Variants in CPE observed in about 807,000 individuals in gnomAD.
CPE encodes the protein carboxypeptidase E.
CPE carries 17 observed loss-of-function variants against 53.5 expected under a neutral mutation model. The ratio of observed to expected loss-of-function variants is 0.32; its 90% confidence interval spans 0.22 to 0.48. The LOEUF (loss-of-function observed/expected upper bound fraction) is 0.48, where lower values mean the gene tolerates loss of function less well. Ranked by LOEUF, CPE falls within the 20% of genes least tolerant of loss-of-function variation. The pLI, the probability that CPE is intolerant of heterozygous loss-of-function variation, is 0.99. For synonymous variants in CPE, 226 were observed against 228.8 expected (o/e 0.99, Z 0.11); for missense variants, 524 against 614.7 (o/e 0.85, Z 1.56).
chr4:165,380,024 A>G (rs997197267), intron 1 of CPE, among the ~76,000 whole-genome samples: 24 of 151,054 alleles, frequency 1.6e-4, no homozygotes, highest in African/African-American at 5.2e-4. Context: ...AGGGAGAAAG[A>G]GTCATTTATC....
At position 165,467,673 on chromosome 4, in the gene CPE, CTT is replaced by C. The variant is rs754217127; in HGVS notation, c.505-4_505-3del. ...AGCAACTAATGATTTTTCTCTTTGA[CTT>C]TTTTTTTTTTAGCCTGGTGAACTCA... On this transcript the variant is annotated splice_polypyrimidine_tract_variant and intron_variant, in intron 2 of 8. Transcript: ENST00000402744. 1,245 of 1,277,438 alleles carry C rather than the reference CTT, an allele frequency of 9.7e-4. 1 individual carries two copies. Among genetic ancestry groups the C allele is most frequent in the South Asian group, 3.0e-3 (209 of 68,566 alleles). The allele number at this position is 1,277,438 out of a possible 1,614,324, so 79.1% of individuals were successfully genotyped here.
chr4:165,486,210 G>T (rs1342232197), intron 5 of CPE, among the ~76,000 whole-genome samples: 2 of 123,090 alleles, frequency 1.6e-5, no homozygotes, highest in African/African-American at 7.5e-5. Context: ...AAAAGGGGTG[G>T]GGGGGTAGCT....
At chr4:165,479,659 A>G (rs1732367058) in intron 3 of CPE, among the ~76,000 whole-genome samples, 1 of 152,212 alleles carries the variant, frequency 6.6e-6, no homozygotes. Context: ...CACTTAGAAA[A>G]TATTTATAGT....
intron 1 of CPE, among the ~76,000 whole-genome samples, chr4:165,391,786 A>G (rs529107768): frequency 1.4e-4 from 22 of 152,190 alleles, no homozygotes; most frequent in African/African-American, 4.8e-4. Context: ...AAACAACAGT[A>G]TTTTACCAAG....
chr4:165,492,379 A>C (rs576977639), intron 6 of CPE, among the ~76,000 whole-genome samples: 1 of 152,332 alleles, frequency 6.6e-6, no homozygotes, highest in Admixed American at 6.5e-5. Flanking sequence ...ATGAATACAC[A>C]GGTGACCAAA....
intron 1 of CPE, among the ~76,000 whole-genome samples, chr4:165,413,240 A>G (rs1440710671): frequency 6.6e-6 from 1 of 152,018 alleles, no homozygotes; most frequent in Non-Finnish European, 1.5e-5. Flanking sequence ...ATGTCTCTAT[A>G]GTGTGTTGTA....
chr4:165,476,020 G>T (rs1732293443), intron 3 of CPE, among the ~76,000 whole-genome samples: 1 of 152,184 alleles, frequency 6.6e-6, no homozygotes, highest in African/African-American at 2.4e-5. Context: ...AAGTCATGTG[G>T]CACAAAGGTA....
chr4:165,495,470 A>G (rs1732690573), intron 7 of CPE, 89 bp from the exon 8 acceptor site: 6 of 803,936 alleles, frequency 7.5e-6, no homozygotes, highest in African/African-American at 1.7e-5. Context: ...ACTGAGCTAG[A>G]CTGGGTATTC....
At chr4:165,483,820 A>T (rs879897980) in intron 4 of CPE, among the ~76,000 whole-genome samples, 4 of 152,034 alleles carry the variant, frequency 2.6e-5, no homozygotes, top group Non-Finnish European at 5.9e-5. Context: ...GGTTGTTGGG[A>T]TGATAATTTT....
intron 1 of CPE, among the ~76,000 whole-genome samples, chr4:165,449,236 T>G: frequency 6.6e-6 from 1 of 152,258 alleles, no homozygotes; most frequent in East Asian, 1.9e-4. Context: ...AATGTCATAA[T>G]GCTAATGCCT....
In CPE at chr4:165,399,433, C is replaced by T. The variant is rs556918918; in HGVS notation, c.307+19905C>T. Among the ~76,000 whole-genome samples the T allele has an allele frequency of 7.9e-4, 121 of 152,240 alleles. 1 individual carries two copies. Among genetic ancestry groups the T allele is most frequent in the African/African-American group, 2.7e-3 (114 of 41,546 alleles). ...AGGCTGGAGTGCAGTGGCACGATCT[C>T]GGCTCACTGCAACCTCCACCTCCCA... On this transcript the variant is annotated intron_variant, in intron 1 of 8. Transcript: ENST00000402744.
intron 1 of CPE, among the ~76,000 whole-genome samples, chr4:165,395,466 G>T (rs2126657895): frequency 6.6e-6 from 1 of 152,240 alleles, no homozygotes; most frequent in Non-Finnish European, 1.5e-5. Flanking sequence ...CACAGTACTG[G>T]TAATGATTTG....
At position 165,451,650 on chromosome 4, in the gene CPE, G is replaced by C. The variant is rs377126692; in HGVS notation, c.308-12740G>C. On this transcript the variant is annotated intron_variant, in intron 1 of 8. Transcript: ENST00000402744. ...GGGATTACAGGCACATGCCACCACG[G>C]CTGGCTAATTTTTGAATTTTTAGTA... 3.6e-3 allele frequency among the ~76,000 whole-genome samples: 543 copies of C among 152,034 alleles called. 7 individuals are homozygous for C. Among genetic ancestry groups the C allele is most frequent in the African/African-American group, 0.012 (494 of 41,470 alleles).
chr4:165,414,094 A>G (rs1731084821), intron 1 of CPE, among the ~76,000 whole-genome samples: 1 of 152,202 alleles, frequency 6.6e-6, no homozygotes, highest in Non-Finnish European at 1.5e-5. Context: ...TTCCTGCAAT[A>G]ATAAACCAAA....
intron 7 of CPE, among the ~76,000 whole-genome samples, 159 bp downstream of exon 7, chr4:165,493,429 A>C (rs1732643943): frequency 6.6e-6 from 1 of 152,218 alleles, no homozygotes; most frequent in Non-Finnish European, 1.5e-5. Flanking sequence ...TTGTGGGCTC[A>C]GGTCAGGCGG....
intron 1 of CPE, among the ~76,000 whole-genome samples, chr4:165,430,814 A>G (rs9999463): frequency 0.3 from 44,940 of 152,028 alleles, 6,733 homozygotes; most frequent in Middle Eastern, 0.39. Context: ...TAAATGTTTG[A>G]ATTTAGACAC....
At position 165,379,167 on chromosome 4, in the gene CPE, G is replaced by A. The variant is rs1458485484; in HGVS notation, c.-55G>A. On this transcript the variant is annotated 5_prime_UTR_variant, in exon 1 of 9. Transcript: ENST00000402744. The surrounding 1 kb of genome is among the most constrained non-coding windows in gnomAD (Gnocchi z 6.0). ...GGCGGGCTAAGCCCAGGGCCGGGCA[G>A]ACAAAAGAGGCCGCCCGCGTAGGAA... 4 of 1,214,702 alleles carry A rather than the reference G, an allele frequency of 3.3e-6. No individual in the cohort carries two copies. The East Asian group carries it at 1.0e-4, about 30-fold the overall frequency. The allele number at this position is 1,214,702 out of a possible 1,614,324, so 75.2% of individuals were successfully genotyped here.
intron 3 of CPE, among the ~76,000 whole-genome samples, chr4:165,474,208 G>A (rs1732256761): frequency 6.6e-6 from 1 of 152,206 alleles, no homozygotes; most frequent in South Asian, 2.1e-4. Context: ...TCCTTATTAT[G>A]CTCTCAGTTA....
At chr4:165,467,231 G>A (rs1357418853) in intron 2 of CPE, among the ~76,000 whole-genome samples, 2 of 152,184 alleles carry the variant, frequency 1.3e-5, no homozygotes, top group African/African-American at 4.8e-5. Context: ...GCCAAGGAGG[G>A]AGGATCACTT....
Sources: allele counts gnomAD v4.1 joint callset (sites outside exome capture counted in the v4.1 genomes callset), GRCh38; gene constraint gnomAD v4.1.1; non-coding constraint Gnocchi (gnomAD v3.1); transcripts MANE v1.5; gene names NCBI Gene and HGNC (gene_info 2026-07-23, HGNC 2026-07-21).